Variants in GLMN observed in about 807,000 individuals in gnomAD.
The protein encoded by GLMN is glomulin, FKBP associated protein.
A neutral mutation model predicts 87.8 loss-of-function variants in GLMN; 75 were observed. That is an observed-to-expected ratio of 0.85 (90% confidence interval 0.71 to 1.04). GLMN has a LOEUF of 1.04. Among genes scored for constraint, GLMN ranks in the 50% least tolerant of loss-of-function variants. The probability of loss-of-function intolerance (pLI) is 0.00; values close to 1 mark genes in which losing one functional copy is unlikely to be tolerated. For synonymous variants in GLMN, 206 were observed against 221.6 expected (o/e 0.93, Z 0.63); for missense variants, 588 against 658.8 (o/e 0.89, Z 1.18).
chr1:92,303,825 C>T, upstream of GLMN: 1 of 474,082 alleles, frequency 2.1e-6, no homozygotes, highest in Non-Finnish European at 3.6e-6. Context: ...AGTGATTTTG[C>T]TTTATTTTCT....
intron 16 of GLMN, among the ~76,000 whole-genome samples, chr1:92,255,809 G>A (rs1384751007): frequency 2.0e-5 from 3 of 152,036 alleles, no homozygotes; most frequent in Non-Finnish European, 4.4e-5. Context: ...AGGAGAAAGT[G>A]GGAAAGATCT....
At chr1:92,257,440 A>G (rs1315769743) in intron 16 of GLMN, among the ~76,000 whole-genome samples, 2 of 152,166 alleles carry the variant, frequency 1.3e-5, no homozygotes, top group Non-Finnish European at 2.9e-5. Flanking sequence ...GATAGCCAGG[A>G]CAATCCTAAG....
At chr1:92,265,743 C>T (rs1655568790) in intron 13 of GLMN, among the ~76,000 whole-genome samples, 1 of 151,970 alleles carries the variant, frequency 6.6e-6, no homozygotes, top group African/African-American at 2.4e-5. Context: ...ACTGCTGCAC[C>T]CGCCAAAAAA....
intron 7 of GLMN, among the ~76,000 whole-genome samples, chr1:92,279,689 TC>T (rs1234728078): frequency 6.6e-6 from 1 of 152,048 alleles, no homozygotes; most frequent in Non-Finnish European, 1.5e-5. Context: ...TCAGCGAATT[TC>T]CCCTTCCTAG....
At chr1:92,316,231 G>A in the GLMN span, among the ~76,000 whole-genome samples, 4 of 152,268 alleles carry the variant, frequency 2.6e-5, no homozygotes, top group South Asian at 8.3e-4. Context: ...TTCACACGTT[G>A]CTTCTTGGCA....
At chr1:92,322,686 C>T in the GLMN span, among the ~76,000 whole-genome samples, 35 of 151,714 alleles carry the variant, frequency 2.3e-4, no homozygotes, top group African/African-American at 8.2e-4. Flanking sequence ...ACCAGCCTGG[C>T]CAACATGGCA....
chr1:92,259,737 T>TC (rs1239419712), intron 16 of GLMN, among the ~76,000 whole-genome samples: 7 of 131,178 alleles, frequency 5.3e-5, no homozygotes, highest in Admixed American at 3.0e-4. Context: ...TCTTTCTTTT[T>TC]TTTTTTTTTT....
Position 92,290,267 on chromosome 1 carries a change from G to A in GLMN, c.325C>T (p.Leu109=). Residue 109 remains leucine, a synonymous_variant, in exon 5 of 19, where the codon CTG becomes TTG. Coordinates refer to ENST00000370360, the MANE Select transcript of GLMN (RefSeq NM_053274.3). ...TGTTTTCCAGAGGGCTCTTCAATCA[G>A]TTCAAGCAAACCCAACAATAATTCC... is the stretch of plus-strand genomic sequence containing the variant. ...PKELLLGLLE[L]IEEPSGKQIS... The A allele has an allele frequency of 6.2e-7, 1 of 1,608,554 alleles. No homozygotes were observed. Among genetic ancestry groups the A allele is most frequent in the Non-Finnish European group, 8.5e-7 (1 of 1,175,256 alleles).
At chr1:92,311,351 T>A in the GLMN span, among the ~76,000 whole-genome samples, 31 of 152,224 alleles carry the variant, frequency 2.0e-4, no homozygotes, top group Middle Eastern at 3.2e-3. Flanking sequence ...AGGAAATATT[T>A]ATTAAAATGA....
At chr1:92,261,557 A>G (rs540881797) in intron 16 of GLMN, among the ~76,000 whole-genome samples, 2 of 152,334 alleles carry the variant, frequency 1.3e-5, no homozygotes, top group East Asian at 1.9e-4. Flanking sequence ...CGAGGTCAGA[A>G]TTAACTAGGA....
chr1:92,319,689 G>C, the GLMN span, among the ~76,000 whole-genome samples: 35 of 152,156 alleles, frequency 2.3e-4, no homozygotes, highest in Admixed American at 2.0e-4. Context: ...TAAGAAACCA[G>C]ACTTAAACAT....
At chr1:92,297,722 C>G (rs758353869) in intron 2 of GLMN, 193 bp from the exon 3 acceptor site, 28 of 639,032 alleles carry the variant, frequency 4.4e-5, no homozygotes, top group Non-Finnish European at 8.3e-6. Context: ...ACCTTGAAAT[C>G]TACTGTACCA....
the GLMN span, among the ~76,000 whole-genome samples, chr1:92,354,762 T>C: frequency 1.3e-5 from 2 of 152,164 alleles, no homozygotes; most frequent in South Asian, 4.1e-4. Context: ...TATATTCTTC[T>C]TGTCTACTTT....
the GLMN span, among the ~76,000 whole-genome samples, chr1:92,313,334 T>C: frequency 6.6e-6 from 1 of 152,206 alleles, no homozygotes; most frequent in African/African-American, 2.4e-5. Context: ...GGCTGCAGAA[T>C]GGATATTGTG....
At chr1:92,252,803 T>C (rs978171769) in intron 16 of GLMN, among the ~76,000 whole-genome samples, 6 of 152,224 alleles carry the variant, frequency 3.9e-5, no homozygotes, top group African/African-American at 1.2e-4. Flanking sequence ...AAAATAGTTA[T>C]AATTAAAAAT....
chr1:92,258,072 AAAAAC>A (rs1477065839), intron 16 of GLMN, among the ~76,000 whole-genome samples: 2 of 152,192 alleles, frequency 1.3e-5, no homozygotes, highest in African/African-American at 4.8e-5. Context: ...TATAAGAAAA[AAAAAC>A]CCATCAAAAA....
upstream of GLMN, chr1:92,299,233 G>A (rs1571004356): frequency 1.3e-6 from 1 of 751,204 alleles, no homozygotes; most frequent in East Asian, 3.3e-5. Flanking sequence ...GGGCGCTCCT[G>A]AAAGGCTGCT....
At chr1:92,310,538 T>A in the GLMN span, among the ~76,000 whole-genome samples, 1 of 152,146 alleles carries the variant, frequency 6.6e-6, no homozygotes, top group African/African-American at 2.4e-5. Flanking sequence ...TAGCTTACAA[T>A]GAGTCATGAT....
chr1:92,291,622 ATTGT>A, intron 3 of GLMN, 85 bp from the exon 4 acceptor site: 3 of 1,335,584 alleles, frequency 2.2e-6, no homozygotes, highest in Non-Finnish European at 3.2e-6. Flanking sequence ...AGAGCTCAGA[ATTGT>A]TTCTGAAATA....
Sources: gnomAD v4.1 joint callset for allele counts (sites outside exome capture counted in the v4.1 genomes callset) on GRCh38, gnomAD v4.1.1 for gene constraint, MANE v1.5 for transcripts, NCBI Gene and HGNC (gene_info 2026-07-23, HGNC 2026-07-21) for gene names.